Variants in ABCB4 observed in about 807,000 individuals in gnomAD.
ABCB4 encodes the protein phosphatidylcholine translocator ABCB4.
A neutral mutation model predicts 145.7 loss-of-function variants in ABCB4; 76 were observed. The observed-to-expected ratio is 0.52, with a 90% CI of 0.43 to 0.63. The LOEUF is 0.63. ABCB4 is among the 30% of genes least tolerant of loss of function. The pLI, the probability that ABCB4 is intolerant of heterozygous loss-of-function variation, is 0.00. For missense variants in ABCB4, 1,234 were observed against 1,553.1 expected, an observed-to-expected ratio of 0.79 and a Z score of 3.45; for synonymous variants, 517 against 566.8, an observed-to-expected ratio of 0.91 and a Z score of 1.25.
intron 15 of ABCB4, among the ~76,000 whole-genome samples, chr7:87,427,827 T>A (rs1259802241): frequency 6.6e-6 from 1 of 152,148 alleles, no homozygotes; most frequent in Non-Finnish European, 1.5e-5. Flanking sequence ...TTGAACCACA[T>A]TGCAGTGATA....
rs149127479 is a variant in ABCB4, at chr7:87,406,290, G to C, written c.3484C>G (p.His1162Asp). Residue 1162 changes from histidine (H) to aspartate (D), a missense_variant and splice_region_variant, in exon 26 of 28, where the codon CAC (histidine) becomes GAC (aspartate). His to Asp is a moderately conservative substitution (Grantham distance 81). Coordinates refer to ENST00000649586, the MANE Select transcript of ABCB4 (RefSeq NM_000443.4). ...ATTTCAGCTACTCTTTAACTTACGT[G>C]GGGTAACGTCTCGATGAAAGGATGT... ...NIHPFIETLP[H>D]KYETRVGDKG... is the part of the protein sequence containing the mutation. 3.7e-6 allele frequency: 6 copies of C among 1,613,830 alleles called. No individual in the cohort carries two copies. The African/African-American group carries it at 5.3e-5, about 14-fold the overall frequency.
Position 87,452,973 on chromosome 7 carries a change from G to A in ABCB4, c.507C>T (p.Asp169=). ...TTAGCCGCGTATTGAGTTCAGTGGT[G>A]TCGTTGATGTCAAACCATCCTATTT... The part of the protein sequence containing the change: ...RQEIGWFDIN[D]TTELNTRLTD... The change falls in exon 6 of 28, where the codon GAC becomes GAT. Residue 169 remains aspartate, a synonymous_variant. Coordinates refer to ENST00000649586, the MANE Select transcript of ABCB4 (RefSeq NM_000443.4). 1 of 1,614,070 alleles carries A rather than the reference G, an allele frequency of 6.2e-7. No individual in the cohort carries two copies.
intron 3 of ABCB4, among the ~76,000 whole-genome samples, chr7:87,465,944 G>A (rs1209300858): frequency 3.3e-5 from 5 of 151,146 alleles, no homozygotes; most frequent in Non-Finnish European, 1.5e-5. Context: ...CCACAAAGAT[G>A]GGGAAAAAAC....
chr7:87,421,885 G>A lies in ABCB4; in HGVS notation c.2316+236C>T, dbSNP rs188866343. ...ACTCTTATGTTCTGCAGTAAACTGA[G>A]GTCTCTTGTCCTTGGTAATGAATGT... On this transcript the variant is annotated intron_variant, in intron 18 of 27. Transcript: ENST00000649586. Among the ~76,000 whole-genome samples the A allele has an allele frequency of 3.5e-3, 540 of 152,264 alleles. 3 individuals are homozygous for A. The highest frequency in any genetic ancestry group is 0.012 in the African/African-American group (515 of 41,554).
chr7:87,373,281 T>G, the ABCB4 span, among the ~76,000 whole-genome samples: 1 of 152,162 alleles, frequency 6.6e-6, no homozygotes, highest in Non-Finnish European at 1.5e-5. Flanking sequence ...ATTTTTAAAT[T>G]AGTTTGTTTT....
chr7:87,455,801 G>GTCGTGTTT (rs61682991), intron 4 of ABCB4, among the ~76,000 whole-genome samples: 1 of 151,682 alleles, frequency 6.6e-6, no homozygotes, highest in Non-Finnish European at 1.5e-5. Context: ...TAGCCCAGGG[G>GTCGTGTTT]TCGTGTTTTC....
chr7:87,458,873 C>T (rs1812274085), intron 4 of ABCB4, among the ~76,000 whole-genome samples: 1 of 151,808 alleles, frequency 6.6e-6, no homozygotes, highest in Admixed American at 6.6e-5. Context: ...ATCTCTGTGT[C>T]AACCACAGTT....
intron 3 of ABCB4, among the ~76,000 whole-genome samples, chr7:87,468,151 A>G (rs561961281): frequency 6.6e-6 from 1 of 152,352 alleles, no homozygotes; most frequent in African/African-American, 2.4e-5. Context: ...ACTGCTAGCA[A>G]GACCAATAAA....
At chr7:87,414,101 G>A (rs777235076) in intron 21 of ABCB4, among the ~76,000 whole-genome samples, 1 of 152,204 alleles carries the variant, frequency 6.6e-6, no homozygotes, top group Non-Finnish European at 1.5e-5. Flanking sequence ...GGATTAGGCT[G>A]TGATTTCTAA....
At position 87,456,208 on chromosome 7, in the gene ABCB4, G is replaced by T. The variant is rs924374486; in HGVS notation, c.287-1616C>A. On this transcript the variant is annotated intron_variant, in intron 4 of 27. Coordinates refer to ENST00000649586, the MANE Select transcript of ABCB4 (RefSeq NM_000443.4). ...TTTATTTCCCTGAACTGAAAAATTG[G>T]GTGAAATCTTAAATAAGTTTTTCCT... Among the ~76,000 whole-genome samples, 13 of 152,010 alleles carry T rather than the reference G, an allele frequency of 8.6e-5. No homozygotes were observed. The East Asian group carries it at 2.3e-3, about 27-fold the overall frequency.
chr7:87,454,101 C>G lies in ABCB4; in HGVS notation c.344+434G>C, dbSNP rs545111012. ...AAACTGCTTCCAGATAGACACCTTT[C>G]AGGCCTTTTAGCATACAGACAGCAC... On this transcript the variant is annotated intron_variant, in intron 5 of 27. Coordinates refer to ENST00000649586, the MANE Select transcript of ABCB4 (RefSeq NM_000443.4). 5.3e-5 allele frequency among the ~76,000 whole-genome samples: 8 copies of G among 152,224 alleles called. No homozygotes were observed. The East Asian group carries it at 1.5e-3, about 29-fold the overall frequency.
chr7:87,470,879 A>G (rs1813339950), intron 3 of ABCB4, among the ~76,000 whole-genome samples: 1 of 152,242 alleles, frequency 6.6e-6, no homozygotes, highest in Admixed American at 6.5e-5. Flanking sequence ...TATATACCCA[A>G]AGGAATATAA....
intron 14 of ABCB4, among the ~76,000 whole-genome samples, chr7:87,437,973 G>A (rs1432795792): frequency 6.6e-6 from 1 of 152,168 alleles, no homozygotes; most frequent in East Asian, 1.9e-4. Context: ...GTCCAAATAC[G>A]TACTAAAACT....
At chr7:87,472,530 T>C in intron 3 of ABCB4, 91 bp downstream of exon 3, 1 of 1,160,762 alleles carries the variant, frequency 8.6e-7, no homozygotes, top group Non-Finnish European at 1.3e-6. Flanking sequence ...AGCTAGACAA[T>C]CTTAAAGTAT....
chr7:87,429,400 T>G (rs539191556), intron 15 of ABCB4, among the ~76,000 whole-genome samples: 4 of 152,376 alleles, frequency 2.6e-5, no homozygotes, highest in Admixed American at 2.0e-4. Context: ...ATTTCTATCA[T>G]GCCAGACCAC....
chr7:87,461,967 A>C (rs1335073540), intron 4 of ABCB4, among the ~76,000 whole-genome samples: 4 of 152,220 alleles, frequency 2.6e-5, no homozygotes, highest in African/African-American at 9.7e-5. Context: ...ATATTCTACC[A>C]TCTGTGCAAC....
chr7:87,469,143 T>C (rs750494798), intron 3 of ABCB4, among the ~76,000 whole-genome samples: 3 of 152,138 alleles, frequency 2.0e-5, no homozygotes, highest in Admixed American at 6.5e-5. Flanking sequence ...TCTCAATAGA[T>C]GCAGAAAAGG....
At chr7:87,386,665 G>A in the ABCB4 span, among the ~76,000 whole-genome samples, 4 of 152,252 alleles carry the variant, frequency 2.6e-5, 1 homozygote, top group South Asian at 4.1e-4. Context: ...TGTCTGCAAC[G>A]AAAGGATACC....
At chr7:87,373,399 T>C in the ABCB4 span, among the ~76,000 whole-genome samples, 1 of 152,132 alleles carries the variant, frequency 6.6e-6, no homozygotes, top group African/African-American at 2.4e-5. Flanking sequence ...ATGGCCTCTT[T>C]TGATGCACAA....
Sources: allele counts gnomAD v4.1 joint callset (sites outside exome capture counted in the v4.1 genomes callset), GRCh38; gene constraint gnomAD v4.1.1; transcripts MANE v1.5; gene names NCBI Gene and HGNC (gene_info 2026-07-23, HGNC 2026-07-21).